The following MED12L variants were observed in gnomAD, a reference collection of about 807,000 sequenced individuals.
MED12L encodes the protein mediator of RNA polymerase II transcription subunit 12-like protein.
A neutral mutation model predicts 281.3 loss-of-function variants in MED12L; 60 were observed. The observed-to-expected ratio is 0.21, with a 90% CI of 0.17 to 0.26. The LOEUF is 0.26. Among genes scored for constraint, MED12L ranks in the 10% least tolerant of loss-of-function variants. The pLI is 1.00. For synonymous variants in MED12L, 974 were observed against 987.2 expected, an observed-to-expected ratio of 0.99 and a Z score of 0.25; for missense variants, 2,146 against 2,680.9, an observed-to-expected ratio of 0.80 and a Z score of 4.41.
chr3:151,356,014 A>G lies in MED12L; in HGVS notation c.2636A>G (p.Asn879Ser), dbSNP rs777644936. The change falls in exon 19 of 45, where the codon AAC (asparagine) becomes AGC (serine). Residue 879 changes from asparagine to serine, a missense_variant. Asn to Ser is a conservative substitution (Grantham distance 46, BLOSUM62 1). Around this residue, in one of 9 missense-constraint regions of MED12L, gnomAD observed 404 missense variants for 603.5 expected, o/e 0.67. Transcript: ENST00000687756. ...CTCATGGAGCCAGCACTGAACATCA[A>G]CGGACTAATTGACTTCGCAATACAG... Reference protein sequence around the residue: ...FDLMEPALNINGLIDFAIQLL... With the variant: ...FDLMEPALNISGLIDFAIQLL... The G allele has an allele frequency of 1.3e-5, 21 of 1,612,976 alleles. No individual in the cohort carries two copies. The highest frequency in any genetic ancestry group is 2.2e-5 in the South Asian group (2 of 90,818).
chr3:151,314,539 C>T (rs1747981037), intron 16 of MED12L, among the ~76,000 whole-genome samples: 1 of 152,150 alleles, frequency 6.6e-6, no homozygotes, highest in African/African-American at 2.4e-5. Context: ...TGTATTAATG[C>T]AAAACTTTCA....
chr3:151,313,144 C>T (rs527814821), intron 16 of MED12L, among the ~76,000 whole-genome samples: 8 of 152,156 alleles, frequency 5.3e-5, no homozygotes, highest in East Asian at 1.9e-4. Flanking sequence ...TTGAACAGAA[C>T]GTAAGCCCAT....
rs147355638 is a variant in MED12L at position 151,215,606 on chromosome 3, T to G, written c.2250+21940T>G. On this transcript the variant is annotated intron_variant, in intron 16 of 44. Coordinates refer to ENST00000687756, the MANE Select transcript of MED12L (RefSeq NM_001393769.1). ...AGGAATCCTGTATATTCTTCACTGATGTCGGAAGTGTTGATTTAGGGCAGA... is the reference window on the plus strand; with the variant it reads ...AGGAATCCTGTATATTCTTCACTGAGGTCGGAAGTGTTGATTTAGGGCAGA... Among the ~76,000 whole-genome samples the G allele has an allele frequency of 2.2e-3, 334 of 152,358 alleles. 7 individuals carry two copies. In the South Asian group the frequency reaches 0.057, roughly 26 times the overall value.
At chr3:151,206,022 CCTCT>C (rs1265449128) in intron 16 of MED12L, among the ~76,000 whole-genome samples, 2 of 151,930 alleles carry the variant, frequency 1.3e-5, no homozygotes, top group African/African-American at 4.8e-5. Context: ...CCAGTTCAGC[CCTCT>C]CTCTATAGCC....
At chr3:151,128,063 GCCCA>G (rs1276405557) in intron 5 of MED12L, 79 bp downstream of exon 5, 2 of 1,288,226 alleles carry the variant, frequency 1.6e-6, no homozygotes, top group Non-Finnish European at 2.2e-6. Context: ...TCTGGATACA[GCCCA>G]GCATGGTGAG....
intron 16 of MED12L, among the ~76,000 whole-genome samples, chr3:151,261,031 GTGTGTTTA>G (rs2149496563): frequency 6.6e-6 from 1 of 152,220 alleles, no homozygotes; most frequent in African/African-American, 2.4e-5. Flanking sequence ...GAGGATCCCT[GTGTGTTTA>G]ACAATGGAAT....
chr3:151,234,159 G>A (rs1732268642), intron 16 of MED12L, among the ~76,000 whole-genome samples: 1 of 152,162 alleles, frequency 6.6e-6, no homozygotes, highest in Non-Finnish European at 1.5e-5. Flanking sequence ...GTTTGTAATA[G>A]CAAAAATATG....
chr3:151,336,204 A>G (rs1750960538), intron 16 of MED12L, among the ~76,000 whole-genome samples: 1 of 152,216 alleles, frequency 6.6e-6, no homozygotes, highest in Non-Finnish European at 1.5e-5. Context: ...TTTTAGAGTG[A>G]ACTGTACTAG....
At chr3:151,173,290 G>T (rs773732803) in intron 11 of MED12L, among the ~76,000 whole-genome samples, 11 of 152,134 alleles carry the variant, frequency 7.2e-5, no homozygotes, top group Non-Finnish European at 1.5e-4. Flanking sequence ...CTCATTGGTG[G>T]AAGAAAGGAA....
At position 151,376,128 on chromosome 3, in the gene MED12L, C is replaced by T. The variant is rs778869212; in HGVS notation, c.3967C>T (p.Leu1323=). 5.0e-6 allele frequency: 8 copies of T among 1,610,988 alleles called. No homozygotes were observed. Among genetic ancestry groups the T allele is most frequent in the Non-Finnish European group, 5.9e-6 (7 of 1,178,944 alleles). ...VLSNMQAQKL[L]QLICYPHGIK... is the part of the protein sequence containing the mutation. ...TTCAAATATGCAAGCACAGAAATTACTGCAGCTTATCTGTTATCCTCATGG... is the reference window on the plus strand; with the variant it reads ...TTCAAATATGCAAGCACAGAAATTATTGCAGCTTATCTGTTATCCTCATGG... The change falls in exon 28 of 45, where the codon CTG becomes TTG. Residue 1323 remains leucine, a synonymous_variant. Coordinates refer to ENST00000687756, the MANE Select transcript of MED12L (RefSeq NM_001393769.1).
chr3:151,420,852 G>A (rs1361378334), intron 43 of MED12L, among the ~76,000 whole-genome samples: 1 of 152,244 alleles, frequency 6.6e-6, no homozygotes, highest in East Asian at 1.9e-4. Flanking sequence ...ACGGATGGTA[G>A]TCTTGGCAGA....
At chr3:151,119,180 A>G (rs577537460) in intron 3 of MED12L, among the ~76,000 whole-genome samples, 2 of 152,336 alleles carry the variant, frequency 1.3e-5, no homozygotes, top group South Asian at 4.1e-4. Context: ...TCTCATGGTT[A>G]TGTATAAAGA....
At chr3:151,392,452 G>A (rs1161410755) in intron 38 of MED12L, among the ~76,000 whole-genome samples, 1 of 124,042 alleles carries the variant, frequency 8.1e-6, no homozygotes, top group East Asian at 2.4e-4. Flanking sequence ...GTGACAGAGC[G>A]AGACTCCATC....
chr3:151,207,083 G>A (rs1726482461), intron 16 of MED12L, among the ~76,000 whole-genome samples: 1 of 144,852 alleles, frequency 6.9e-6, no homozygotes, highest in African/African-American at 2.6e-5. Context: ...GTCGTCTTAC[G>A]TTGTCCAGGC....
chr3:151,246,532 A>G (rs540042904), intron 16 of MED12L, among the ~76,000 whole-genome samples: 1 of 152,314 alleles, frequency 6.6e-6, no homozygotes, highest in South Asian at 2.1e-4. Context: ...AGGATTCCCT[A>G]TTTAATAAAT....
intron 5 of MED12L, among the ~76,000 whole-genome samples, chr3:151,150,500 C>CTATA (rs1456814788): frequency 1.3e-5 from 2 of 152,108 alleles, no homozygotes; most frequent in Non-Finnish European, 2.9e-5. Flanking sequence ...TTCTTAAAGG[C>CTATA]TATAGGCTTT....
At chr3:151,086,063 A>AC (rs1370556513) in intron 1 of MED12L, 127 bp downstream of exon 1, 1 of 151,704 alleles carries the variant, frequency 6.6e-6, no homozygotes, top group Admixed American at 6.6e-5. Flanking sequence ...ATCGCTCCTC[A>AC]CCCCCTTCCC....
At chr3:151,153,572 T>C (rs886323138) in intron 5 of MED12L, among the ~76,000 whole-genome samples, 1 of 141,334 alleles carries the variant, frequency 7.1e-6, no homozygotes, top group Non-Finnish European at 1.5e-5. Flanking sequence ...TTCTTTTTTT[T>C]TTTTTTTTTT....
rs761494734 is a variant in MED12L at position 151,382,698 on chromosome 3, A to C, written c.4633A>C (p.Lys1545Gln). Residue 1545 changes from lysine (K) to glutamine (Q), a missense_variant, in exon 33 of 45, where the codon AAA (lysine) becomes CAA (glutamine). By Grantham distance (53) the Lys-to-Gln change is moderately conservative. This residue lies in a region of MED12L where 212 missense variants were observed against 340.8 expected (regional missense o/e 0.62). Transcript: ENST00000687756. ...WREERYQDDIKARQMMHEALQ... is the reference protein window; with the variant it reads ...WREERYQDDIQARQMMHEALQ... ...AGAAGAACGATACCAAGATGACATAAAAGCGCGGCAGATGATGCACGAAGC... is the reference window on the plus strand; with the variant it reads ...AGAAGAACGATACCAAGATGACATACAAGCGCGGCAGATGATGCACGAAGC... 1.9e-6 allele frequency: 3 copies of C among 1,612,792 alleles called. No individual in the cohort carries two copies. Among genetic ancestry groups the C allele is most frequent in the Non-Finnish European group, 2.5e-6 (3 of 1,179,372 alleles).
Sources: allele counts gnomAD v4.1 joint callset (sites outside exome capture counted in the v4.1 genomes callset), GRCh38; gene constraint gnomAD v4.1.1; regional missense constraint gnomAD v4.1.1; transcripts MANE v1.5; gene names NCBI Gene and HGNC (gene_info 2026-07-23, HGNC 2026-07-21).